The following SLC9B1 variants were observed in gnomAD, a reference collection of about 807,000 sequenced individuals.
The protein encoded by SLC9B1 is sodium/hydrogen exchanger 9B1.
SLC9B1 carries 32 observed loss-of-function variants against 51.7 expected under a neutral mutation model. The ratio of observed to expected loss-of-function variants is 0.62; its 90% CI spans 0.47 to 0.83. The LOEUF is 0.83. Ranked by LOEUF, SLC9B1 falls within the 40% of genes least tolerant of loss-of-function variation. SLC9B1 has a pLI of 0.00. For synonymous variants in SLC9B1, 145 were observed against 212.7 expected, an observed-to-expected ratio of 0.68 and a Z score of 2.77; for missense variants, 406 against 613.2, an observed-to-expected ratio of 0.66 and a Z score of 3.57.
At chr4:102,946,548 T>G in intron 5 of SLC9B1, 99 bp downstream of exon 5, 2 of 1,325,530 alleles carry the variant, frequency 1.5e-6, no homozygotes, top group Admixed American at 4.7e-5. Flanking sequence ...GTTTACAGAC[T>G]CTATTTGGAA....
chr4:102,931,975 G>C, intron 7 of SLC9B1, 149 bp downstream of exon 7: 1 of 686,094 alleles, frequency 1.5e-6, no homozygotes, highest in Non-Finnish European at 2.5e-6. Flanking sequence ...ATCTTCCTTG[G>C]TCTAGAATGA....
chr4:102,907,728 T>C (rs1735123189), intron 9 of SLC9B1, among the ~76,000 whole-genome samples: 1 of 152,246 alleles, frequency 6.6e-6, no homozygotes, highest in Non-Finnish European at 1.5e-5. Context: ...TGTCTCTTCC[T>C]TGAGGCATAA....
At chr4:102,896,229 C>T (rs556817942), downstream of SLC9B1, among the ~76,000 whole-genome samples, 5 of 152,242 alleles carry the variant, frequency 3.3e-5, no homozygotes, top group African/African-American at 1.2e-4. Context: ...CTTTGCCCTC[C>T]TCCCCTTCTG....
intron 3 of SLC9B1, among the ~76,000 whole-genome samples, chr4:102,975,609 T>TTTTTTTTTGG: frequency 7.3e-6 from 1 of 137,138 alleles, no homozygotes; most frequent in African/African-American, 2.7e-5. Context: ...TTTTTTTTTT[T>TTTTTTTTTGG]GAGGCTGGAG....
chr4:102,964,910 T>C (rs1253082035), intron 3 of SLC9B1, among the ~76,000 whole-genome samples: 1 of 152,184 alleles, frequency 6.6e-6, no homozygotes, highest in Non-Finnish European at 1.5e-5. Context: ...TTCTATTTTT[T>C]CCTTGCAATA....
intron 1 of SLC9B1, chr4:103,016,635 T>C (rs534613156): frequency 1.3e-5 from 2 of 150,632 alleles, no homozygotes; most frequent in South Asian, 4.2e-4. Context: ...TTTTTTTTTT[T>C]AATTGAGATG....
At chr4:103,018,340 T>C (rs578164772) in intron 1 of SLC9B1, among the ~76,000 whole-genome samples, 4 of 152,252 alleles carry the variant, frequency 2.6e-5, no homozygotes, top group Admixed American at 6.5e-5. Flanking sequence ...CTGTGCAATA[T>C]ATCCACACAA....
chr4:102,910,921 A>T (rs909074631), intron 8 of SLC9B1, among the ~76,000 whole-genome samples: 2 of 152,204 alleles, frequency 1.3e-5, no homozygotes, highest in African/African-American at 4.8e-5. Context: ...AAATATTTGA[A>T]TATCTCTTTG....
intron 6 of SLC9B1, among the ~76,000 whole-genome samples, chr4:102,940,093 C>G (rs1218520418): frequency 6.6e-6 from 1 of 152,060 alleles, no homozygotes; most frequent in Non-Finnish European, 1.5e-5. Flanking sequence ...CACTTTTATA[C>G]CAAGAAAACC....
chr4:102,944,575 T>C (rs1292660780), intron 6 of SLC9B1, among the ~76,000 whole-genome samples: 1 of 152,240 alleles, frequency 6.6e-6, no homozygotes, highest in Admixed American at 6.5e-5. Context: ...AACTATGTAA[T>C]GGATGAACTT....
downstream of SLC9B1, among the ~76,000 whole-genome samples, chr4:102,899,803 G>T (rs191241383): frequency 3.8e-3 from 575 of 152,262 alleles, 2 homozygotes; most frequent in Non-Finnish European, 5.4e-3. Context: ...TTTAGAATTT[G>T]AGTACTAGAA....
At chr4:102,889,830 T>C (rs1027165363) in intron 11 of SLC9B1, 4 of 152,100 alleles carry the variant, frequency 2.6e-5, no homozygotes, top group Admixed American at 6.6e-5. Context: ...CTTTAAAAAA[T>C]AGACATCTAA....
chr4:102,989,408 G>T (rs982171241), intron 3 of SLC9B1, among the ~76,000 whole-genome samples: 1 of 151,860 alleles, frequency 6.6e-6, no homozygotes, highest in African/African-American at 2.4e-5. Flanking sequence ...TTTTTACAAG[G>T]TTGCTGCTGT....
intron 1 of SLC9B1, among the ~76,000 whole-genome samples, chr4:103,011,455 C>T (rs1254323385): frequency 6.6e-6 from 1 of 152,114 alleles, no homozygotes; most frequent in African/African-American, 2.4e-5. Context: ...TAGTGGCCTA[C>T]AGTCTTGGTG....
chr4:102,904,026 T>C (rs1734908379), intron 11 of SLC9B1, among the ~76,000 whole-genome samples: 2 of 152,042 alleles, frequency 1.3e-5, no homozygotes, highest in African/African-American at 4.8e-5. Flanking sequence ...AGGAAAAGTA[T>C]TTTTTAAAAA....
At chr4:102,969,996 C>T (rs1422237862) in intron 3 of SLC9B1, among the ~76,000 whole-genome samples, 2 of 151,920 alleles carry the variant, frequency 1.3e-5, no homozygotes, top group East Asian at 1.9e-4. Flanking sequence ...TGTGAAAAGA[C>T]CAAATCTAAG....
intron 7 of SLC9B1, among the ~76,000 whole-genome samples, chr4:102,927,705 C>A (rs2110453514): frequency 6.6e-6 from 1 of 152,284 alleles, no homozygotes; most frequent in South Asian, 2.1e-4. Context: ...TACCATTTGA[C>A]CCGGCAATCC....
chr4:102,887,152 GAAGT>G (rs1487146350), intron 11 of SLC9B1, among the ~76,000 whole-genome samples: 1 of 152,136 alleles, frequency 6.6e-6, no homozygotes, highest in African/African-American at 2.4e-5. Flanking sequence ...ACCAAATAAT[GAAGT>G]AACTGTTTAA....
At chr4:102,967,782 C>T (rs1738510051) in intron 3 of SLC9B1, among the ~76,000 whole-genome samples, 1 of 152,092 alleles carries the variant, frequency 6.6e-6, no homozygotes, top group Admixed American at 6.6e-5. Flanking sequence ...GACACTCAAA[C>T]TATAGCAATA....
Sources: gnomAD v4.1 joint callset for allele counts (sites outside exome capture counted in the v4.1 genomes callset) on GRCh38, gnomAD v4.1.1 for gene constraint, MANE v1.5 for transcripts, NCBI Gene and HGNC (gene_info 2026-07-23, HGNC 2026-07-21) for gene names.